The following ADAM10 variants were observed in gnomAD, a reference collection of about 807,000 sequenced individuals.
ADAM10 encodes ADAM metallopeptidase domain 10.
In ADAM10, 17 loss-of-function variants were observed where a neutral mutation model predicts 90.1. That is an observed-to-expected ratio of 0.19 (90% CI 0.13 to 0.28). ADAM10 has a LOEUF of 0.28. Ranked by LOEUF, ADAM10 falls within the 10% of genes least tolerant of loss-of-function variation. ADAM10 has a pLI of 1.00. For synonymous variants in ADAM10, 310 were observed against 298.6 expected, an observed-to-expected ratio of 1.04 and a Z score of -0.40; for missense variants, 610 against 914.3, an observed-to-expected ratio of 0.67 and a Z score of 4.29.
chr15:58,723,546 C>CA (rs1220151487), intron 1 of ADAM10, among the ~76,000 whole-genome samples: 1 of 150,376 alleles, frequency 6.6e-6, no homozygotes, highest in Non-Finnish European at 1.5e-5. Context: ...ACTAAAAATA[C>CA]AAAAAAAAAT....
chr15:58,657,476 G>C (rs1487974438), intron 5 of ADAM10, among the ~76,000 whole-genome samples: 1 of 152,114 alleles, frequency 6.6e-6, no homozygotes, highest in Non-Finnish European at 1.5e-5. Flanking sequence ...GTTACTAAGA[G>C]ACTCTGATGC....
chr15:58,664,213 G>C (rs1488959930), intron 5 of ADAM10, among the ~76,000 whole-genome samples: 1 of 151,976 alleles, frequency 6.6e-6, no homozygotes, highest in African/African-American at 2.4e-5. Flanking sequence ...TATAAGGCTA[G>C]ATTAGCTATT....
intron 2 of ADAM10, among the ~76,000 whole-genome samples, chr15:58,707,090 G>GAA (rs77864912): frequency 2.2e-4 from 33 of 149,078 alleles, no homozygotes; most frequent in African/African-American, 5.9e-4. Context: ...TTGGGGGGGG[G>GAA]AAAAAAGCTC....
At chr15:58,616,551 T>A (rs1895622396) in intron 11 of ADAM10, among the ~76,000 whole-genome samples, 1 of 152,016 alleles carries the variant, frequency 6.6e-6, no homozygotes, top group African/African-American at 2.4e-5. Flanking sequence ...AATGAAGAAA[T>A]TAAAAATGAA....
chr15:58,611,721 TTAAC>T, intron 12 of ADAM10, 83 bp downstream of exon 12: 11 of 1,294,748 alleles, frequency 8.5e-6, no homozygotes, highest in Non-Finnish European at 1.2e-5. Flanking sequence ...ATTAATTACT[TTAAC>T]TATGTAGCTT....
intron 2 of ADAM10, among the ~76,000 whole-genome samples, chr15:58,683,623 A>G (rs1897503596): frequency 6.6e-6 from 1 of 152,146 alleles, no homozygotes; most frequent in South Asian, 2.1e-4. Flanking sequence ...GAACTTTGGG[A>G]GGCTGAGGCA....
At chr15:58,689,610 G>A (rs1264875678) in intron 2 of ADAM10, among the ~76,000 whole-genome samples, 2 of 151,984 alleles carry the variant, frequency 1.3e-5, no homozygotes, top group Non-Finnish European at 2.9e-5. Context: ...AAAATACATT[G>A]TCAATGAAGA....
intron 6 of ADAM10, among the ~76,000 whole-genome samples, chr15:58,645,156 CA>C (rs1322366367): frequency 9.2e-5 from 14 of 152,152 alleles, no homozygotes; most frequent in African/African-American, 3.4e-4. Flanking sequence ...AAAGCATTAA[CA>C]ATAATCATTT....
intron 5 of ADAM10, among the ~76,000 whole-genome samples, chr15:58,655,689 A>ATATAT (rs1896795089): frequency 1.2e-5 from 1 of 81,032 alleles, no homozygotes; most frequent in Admixed American, 1.4e-4. Context: ...TATATATATT[A>ATATAT]TATATAGTAT....
At chr15:58,715,147 T>C (rs1898612850) in intron 2 of ADAM10, among the ~76,000 whole-genome samples, 1 of 152,000 alleles carries the variant, frequency 6.6e-6, no homozygotes, top group Admixed American at 6.6e-5. Flanking sequence ...ATGGGCCAGG[T>C]ATGGTGGCTC....
At chr15:58,676,383 T>C (rs1453155074) in intron 4 of ADAM10, 4 of 447,310 alleles carry the variant, frequency 8.9e-6, no homozygotes, top group African/African-American at 8.1e-5. Flanking sequence ...TTTTATACAC[T>C]GTCAGGTATA....
intron 4 of ADAM10, among the ~76,000 whole-genome samples, chr15:58,669,982 G>C (rs1160268123): frequency 6.6e-6 from 1 of 152,026 alleles, no homozygotes; most frequent in African/African-American, 2.4e-5. Flanking sequence ...GAATTACACT[G>C]AAAGCTTTTG....
At chr15:58,683,859 C>CAAAAAAAAA (rs71425819) in intron 2 of ADAM10, among the ~76,000 whole-genome samples, 25 of 67,226 alleles carry the variant, frequency 3.7e-4, no homozygotes, top group African/African-American at 5.9e-4. Context: ...GGCTCCATCT[C>CAAAAAAAAA]AAAAAAAAAA....
rs1894879646 is a variant in ADAM10, at chr15:58,593,703, A to C, written c.*3844T>G. ...TCACTTTAGTGTAGATTTCAGGAAA[A>C]AGCAAAAACTAATCAGTATTTTGCT... On this transcript the variant is annotated 3_prime_UTR_variant, in exon 16 of 16. Coordinates refer to ENST00000260408, the MANE Select transcript of ADAM10 (RefSeq NM_001110.4). 1.3e-5 allele frequency: 2 copies of C among 149,302 alleles called. No individual in the cohort carries two copies. Among genetic ancestry groups the C allele is most frequent in the Non-Finnish European group, 3.0e-5 (2 of 66,942 alleles). 9.2% of individuals were successfully genotyped at this position (149,302 alleles called of 1,614,324 possible).
intron 2 of ADAM10, among the ~76,000 whole-genome samples, chr15:58,705,503 CTT>C (rs1898253088): frequency 6.6e-6 from 1 of 152,132 alleles, no homozygotes; most frequent in Non-Finnish European, 1.5e-5. Context: ...AGTCCCTAGT[CTT>C]AGTGCTCTGA....
At chr15:58,666,947 G>T (rs1473218470) in intron 4 of ADAM10, among the ~76,000 whole-genome samples, 1 of 152,076 alleles carries the variant, frequency 6.6e-6, no homozygotes, top group Non-Finnish European at 1.5e-5. Flanking sequence ...ATTTCTAAAA[G>T]ATGCTGTTTT....
rs1374480724 is a variant in ADAM10, at chr15:58,643,808, C to T, written c.828+78G>A. On this transcript the variant is annotated intron_variant, in intron 7 of 15. Transcript: ENST00000260408. The stretch of plus-strand genomic sequence containing the variant: ...TAATTCATAAAGATAAAATTAAAAG[C>T]AAGCTTTTGTGTGTGTGTGTAAACA... 5 of 1,141,014 alleles carry T rather than the reference C, an allele frequency of 4.4e-6. No individual in the cohort carries two copies. The African/African-American group carries it at 7.6e-5, about 17-fold the overall frequency. The allele number at this position is 1,141,014 out of a possible 1,614,324, so 70.7% of individuals were successfully genotyped here.
At chr15:58,716,203 AT>A (rs1898653440) in intron 2 of ADAM10, among the ~76,000 whole-genome samples, 1 of 152,218 alleles carries the variant, frequency 6.6e-6, no homozygotes, top group Non-Finnish European at 1.5e-5. Flanking sequence ...ATTCCTAATT[AT>A]CTGATTTTTC....
chr15:58,738,254 G>A (rs894967602), intron 1 of ADAM10, among the ~76,000 whole-genome samples: 1 of 152,088 alleles, frequency 6.6e-6, no homozygotes, highest in Non-Finnish European at 1.5e-5. Context: ...ATACTGTGTT[G>A]ACCAATGCTT....
Sources: gnomAD v4.1 joint callset for allele counts (sites outside exome capture counted in the v4.1 genomes callset) on GRCh38, gnomAD v4.1.1 for gene constraint, MANE v1.5 for transcripts, NCBI Gene and HGNC (gene_info 2026-07-23, HGNC 2026-07-21) for gene names.